Variants in MAP4K3 observed in about 807,000 individuals in gnomAD.
MAP4K3 encodes mitogen-activated protein kinase kinase kinase kinase 3, also known as MAPK/ERK kinase kinase kinase 3.
In MAP4K3, 94 loss-of-function variants were observed where a neutral mutation model predicts 143.5. The ratio of observed to expected loss-of-function variants is 0.65; its 90% confidence interval spans 0.55 to 0.78. MAP4K3 has a LOEUF of 0.78. MAP4K3 is among the 30% of genes least tolerant of loss of function. The probability of loss-of-function intolerance (pLI) is 0.00; values close to 1 mark genes in which losing one functional copy is unlikely to be tolerated. For synonymous variants in MAP4K3, 416 were observed against 347.2 expected (o/e 1.20, Z -2.20); for missense variants, 1,077 against 1,068.1 (o/e 1.01, Z -0.12).
intron 2 of MAP4K3, among the ~76,000 whole-genome samples, chr2:39,367,152 A>G (rs928222494): frequency 8.5e-5 from 13 of 152,372 alleles, no homozygotes; most frequent in African/African-American, 1.7e-4. Flanking sequence ...AATGTTTAAG[A>G]TAAGTATCAC....
chr2:39,430,517 G>GA (rs1383312148), intron 1 of MAP4K3, among the ~76,000 whole-genome samples: 11 of 151,936 alleles, frequency 7.2e-5, no homozygotes, highest in Admixed American at 7.2e-4. Context: ...AAGGTGGTAT[G>GA]AAAAAATAAA....
At chr2:39,332,284 T>A (rs1276321675) in intron 7 of MAP4K3, among the ~76,000 whole-genome samples, 1 of 152,032 alleles carries the variant, frequency 6.6e-6, no homozygotes, top group African/African-American at 2.4e-5. Flanking sequence ...AGAATGTAAA[T>A]TGCCAAACTT....
At chr2:39,272,627 T>C in intron 24 of MAP4K3, 85 bp from the exon 25 acceptor site, 1 of 1,024,062 alleles carries the variant, frequency 9.8e-7, no homozygotes, top group Non-Finnish European at 1.5e-6. Flanking sequence ...TAAGCTGTCT[T>C]ATCTACAGGT....
At chr2:39,317,941 A>G (rs751475857) in intron 12 of MAP4K3, among the ~76,000 whole-genome samples, 10 of 152,162 alleles carry the variant, frequency 6.6e-5, no homozygotes, top group Non-Finnish European at 1.3e-4. Flanking sequence ...CCATAAAAAC[A>G]TGCACGTTAT....
intron 29 of MAP4K3, among the ~76,000 whole-genome samples, chr2:39,259,627 C>A (rs751853457): frequency 6.6e-6 from 1 of 152,058 alleles, no homozygotes; most frequent in Non-Finnish European, 1.5e-5. Context: ...ATATACATTT[C>A]GTATTCATTT....
intron 2 of MAP4K3, among the ~76,000 whole-genome samples, chr2:39,363,992 T>TAA (rs70957104): frequency 0.029 from 3,712 of 129,032 alleles, 136 homozygotes; most frequent in African/African-American, 0.091. Flanking sequence ...ATAGCCATTA[T>TAA]AAAAAAAAAA....
chr2:39,308,008 G>A lies in MAP4K3; in HGVS notation c.1057-3C>T. 1 of 1,592,054 alleles carries A rather than the reference G, an allele frequency of 6.3e-7. No individual in the cohort carries two copies. The highest frequency in any genetic ancestry group is 8.5e-7 in the Non-Finnish European group (1 of 1,169,966). On this transcript the variant is annotated splice_polypyrimidine_tract_variant and splice_region_variant and intron_variant, in intron 14 of 33. Coordinates refer to ENST00000263881, the MANE Select transcript of MAP4K3 (RefSeq NM_003618.4). Reference sequence around the variant, plus strand: ...TCCAAAAAACCATCACTGTCGGGCTGTTTAGCAGAGACCAAGAAACCCAAG... The same window carrying A: ...TCCAAAAAACCATCACTGTCGGGCTATTTAGCAGAGACCAAGAAACCCAAG...
intron 31 of MAP4K3, among the ~76,000 whole-genome samples, chr2:39,255,580 C>T (rs1680311281): frequency 6.6e-6 from 1 of 152,184 alleles, no homozygotes; most frequent in Admixed American, 6.5e-5. Context: ...TACCACACTA[C>T]CTTAATCACT....
intron 26 of MAP4K3, among the ~76,000 whole-genome samples, chr2:39,268,803 C>G (rs527561972): frequency 1.3e-4 from 19 of 151,940 alleles, no homozygotes; most frequent in African/African-American, 4.3e-4. Flanking sequence ...CCACACCCAA[C>G]TAATTTTTGT....
Position 39,314,065 on chromosome 2 carries a change from C to T in MAP4K3, c.997+1245G>A, listed in dbSNP as rs76187117. The stretch of plus-strand genomic sequence containing the variant: ...TTTTTTTTCCAAACAGAATCTTGTT[C>T]TTTGCCCAGGCTGGAGTGCAGTGGC... On this transcript the variant is annotated intron_variant, in intron 13 of 33. Transcript: ENST00000263881. 4.5e-3 allele frequency among the ~76,000 whole-genome samples: 678 copies of T among 151,766 alleles called. 8 individuals carry two copies. Among genetic ancestry groups the T allele is most frequent in the African/African-American group, 0.015 (640 of 41,414 alleles).
intron 24 of MAP4K3, among the ~76,000 whole-genome samples, chr2:39,273,003 A>T (rs1222762881): frequency 6.6e-6 from 1 of 152,048 alleles, no homozygotes; most frequent in Non-Finnish European, 1.5e-5. Flanking sequence ...AACACTAGGT[A>T]TGGAGGGAAA....
At chr2:39,391,124 G>A (rs1666641305) in intron 1 of MAP4K3, among the ~76,000 whole-genome samples, 1 of 152,062 alleles carries the variant, frequency 6.6e-6, no homozygotes, top group Non-Finnish European at 1.5e-5. Flanking sequence ...GGGAGGCCAA[G>A]GCAGGCGGAT....
intron 4 of MAP4K3, among the ~76,000 whole-genome samples, chr2:39,341,738 C>A (rs1026780219): frequency 2.0e-5 from 3 of 151,258 alleles, no homozygotes; most frequent in Non-Finnish European, 4.4e-5. Context: ...CAAATTCCAA[C>A]CAAAAAAAAG....
intron 2 of MAP4K3, 102 bp downstream of exon 2, chr2:39,377,964 T>C (rs557477666): frequency 6.4e-5 from 48 of 744,828 alleles, no homozygotes; most frequent in Non-Finnish European, 8.3e-5. Context: ...ATCCCAGATG[T>C]TGGGGAAAAC....
rs79505914 is a variant in MAP4K3 at position 39,431,953 on chromosome 2, G to C, written c.96+4939C>G. On this transcript the variant is annotated intron_variant, in intron 1 of 33. Transcript: ENST00000263881. ...ATCACTATGCTGTGCTACAGAGGTC[G>C]GTTGTGCAATTATGGAGTATCTAGA... Among the ~76,000 whole-genome samples the C allele has an allele frequency of 6.3e-3, 963 of 152,160 alleles. 12 individuals are homozygous for C. The highest frequency in any genetic ancestry group is 0.022 in the African/African-American group (895 of 41,464).
intron 1 of MAP4K3, among the ~76,000 whole-genome samples, chr2:39,435,559 C>G (rs1482058998): frequency 6.6e-6 from 1 of 152,188 alleles, no homozygotes; most frequent in Non-Finnish European, 1.5e-5. Flanking sequence ...AGGATCAGGT[C>G]CTCCTATTAC....
In MAP4K3 at chr2:39,404,717, G is replaced by A. The variant is rs1667048643; in HGVS notation, c.97-26594C>T. On this transcript the variant is annotated intron_variant, in intron 1 of 33. Transcript: ENST00000263881. ...GCTGACCACAACCTCTGCCTTCTGG[G>A]TTCAAGCGATTCTCCTGCCTCAGCT... is the stretch of plus-strand genomic sequence containing the variant. 2.0e-5 allele frequency among the ~76,000 whole-genome samples: 3 copies of A among 148,558 alleles called. No individual in the cohort carries two copies. In the South Asian group the frequency reaches 6.3e-4, roughly 31 times the overall value.
At chr2:39,302,103 G>C (rs1193237144) in intron 15 of MAP4K3, among the ~76,000 whole-genome samples, 1 of 151,894 alleles carries the variant, frequency 6.6e-6, no homozygotes, top group Non-Finnish European at 1.5e-5. Context: ...GGTAAGAAAA[G>C]TATCTAAAAT....
At chr2:39,344,307 C>T (rs527562645) in intron 3 of MAP4K3, among the ~76,000 whole-genome samples, 22 of 152,246 alleles carry the variant, frequency 1.4e-4, no homozygotes, top group Non-Finnish European at 2.5e-4. Context: ...TAGCCTGCTG[C>T]CTGATTTTGT....
Sources: gnomAD v4.1 joint callset for allele counts (sites outside exome capture counted in the v4.1 genomes callset) on GRCh38, gnomAD v4.1.1 for gene constraint, MANE v1.5 for transcripts, NCBI Gene and HGNC (gene_info 2026-07-23, HGNC 2026-07-21) for gene names.